The following PCDH9 variants were observed in gnomAD, a reference collection of about 807,000 sequenced individuals.
PCDH9 encodes protocadherin-9.
A neutral mutation model predicts 70.6 loss-of-function variants in PCDH9; 24 were observed. The observed-to-expected ratio is 0.34, with a 90% CI of 0.25 to 0.48. The LOEUF (loss-of-function observed/expected upper bound fraction) is 0.48, where lower values mean the gene tolerates loss of function less well. PCDH9 is among the 20% of genes least tolerant of loss of function. PCDH9 has a pLI of 0.99. For missense variants in PCDH9, 1,281 were observed against 1,503.6 expected (o/e 0.85, Z 2.45); for synonymous variants, 562 against 558.5 (o/e 1.01, Z -0.09).
At chr13:66,776,494 TAGAG>T (rs1003383728) in intron 3 of PCDH9, among the ~76,000 whole-genome samples, 1 of 149,566 alleles carries the variant, frequency 6.7e-6, no homozygotes, top group Non-Finnish European at 1.5e-5. Context: ...AACAGACAAA[TAGAG>T]AGCCAAATCA....
intron 4 of PCDH9, among the ~76,000 whole-genome samples, chr13:66,573,196 T>C (rs1249888161): frequency 6.6e-6 from 1 of 152,072 alleles, no homozygotes; most frequent in Admixed American, 6.5e-5. Context: ...TGCTGAACAT[T>C]TTTTTCATAT....
chr13:66,438,287 A>G lies in PCDH9; in HGVS notation c.3341-133259T>C, dbSNP rs144434191. 3.5e-3 allele frequency among the ~76,000 whole-genome samples: 533 copies of G among 152,196 alleles called. 2 individuals carry two copies. The highest frequency in any genetic ancestry group is 6.3e-3 in the Non-Finnish European group (430 of 67,998). On this transcript the variant is annotated intron_variant, in intron 4 of 4. Coordinates refer to ENST00000377865, the MANE Select transcript of PCDH9 (RefSeq NM_203487.3). ...TACACTTCAATTTAACTCTATTATA[A>G]TATTACAATGGATTAATAAAATTTT...
At chr13:66,459,827 T>A (rs1325790028) in intron 4 of PCDH9, among the ~76,000 whole-genome samples, 1 of 152,020 alleles carries the variant, frequency 6.6e-6, no homozygotes, top group African/African-American at 2.4e-5. Flanking sequence ...GGCTTGCTTT[T>A]GAATACTTCA....
chr13:66,563,602 C>A (rs1357224869), intron 4 of PCDH9, among the ~76,000 whole-genome samples: 1 of 152,144 alleles, frequency 6.6e-6, no homozygotes, highest in Admixed American at 6.5e-5. Context: ...CTGATCTCAC[C>A]ACTTACCATG....
rs74704196 is a variant in PCDH9, at chr13:67,096,815, T to C, written c.3036+128590A>G. 5.2e-4 allele frequency among the ~76,000 whole-genome samples: 79 copies of C among 152,322 alleles called. 1 individual carries two copies. The East Asian group carries it at 0.014, about 27-fold the overall frequency. On this transcript the variant is annotated intron_variant, in intron 2 of 4. Transcript: ENST00000377865. ...GTGAGGGCGAGATACATGGGAATTC[T>C]TTGTACTTTCAATTTTCCTTTAAAA...
chr13:67,041,696 T>C (rs1321697329), intron 2 of PCDH9, among the ~76,000 whole-genome samples: 3 of 151,724 alleles, frequency 2.0e-5, no homozygotes, highest in Admixed American at 1.3e-4. Context: ...ACAGGCATGG[T>C]TGTGGGCACC....
At chr13:67,073,941 C>T (rs2085819841) in intron 2 of PCDH9, among the ~76,000 whole-genome samples, 2 of 152,026 alleles carry the variant, frequency 1.3e-5, no homozygotes, top group South Asian at 4.1e-4. Context: ...CACTTGGGGC[C>T]TTAACCTGGA....
chr13:66,876,483 C>T (rs1357599954), intron 3 of PCDH9, among the ~76,000 whole-genome samples: 2 of 152,238 alleles, frequency 1.3e-5, no homozygotes, highest in African/African-American at 2.4e-5. Context: ...CTCTGCTCTT[C>T]AACATGCCAA....
Position 67,161,397 on chromosome 13 carries a change from G to T in PCDH9, c.3036+64008C>A, listed in dbSNP as rs74095373. Among the ~76,000 whole-genome samples, 971 of 152,296 alleles carry T rather than the reference G, an allele frequency of 6.4e-3. 12 individuals are homozygous for T. The highest frequency in any genetic ancestry group is 0.022 in the African/African-American group (921 of 41,552). On this transcript the variant is annotated intron_variant, in intron 2 of 4. Coordinates refer to ENST00000377865, the MANE Select transcript of PCDH9 (RefSeq NM_203487.3). The stretch of plus-strand genomic sequence containing the variant: ...CATTCAGGAGGCCTGCTTTGCTGCT[G>T]TTCAGCTACATCCATGCTTAAAGCT...
intron 3 of PCDH9, among the ~76,000 whole-genome samples, chr13:66,660,725 G>A (rs905817176): frequency 6.6e-6 from 1 of 151,834 alleles, no homozygotes; most frequent in Non-Finnish European, 1.5e-5. Flanking sequence ...AATTCATAAG[G>A]AATACAGAAA....
intron 3 of PCDH9, among the ~76,000 whole-genome samples, chr13:66,761,004 C>T (rs1253450264): frequency 2.6e-5 from 4 of 152,146 alleles, no homozygotes; most frequent in Admixed American, 2.0e-4. Flanking sequence ...TCAATGACAA[C>T]GTGTGCCCAG....
At position 66,408,731 on chromosome 13, in the gene PCDH9, T is replaced by A. The variant is rs185680620; in HGVS notation, c.3341-103703A>T. On this transcript the variant is annotated intron_variant, in intron 4 of 4. Transcript: ENST00000377865. ...TTTTTGTCCTTTTCTTCTTCTGCCT[T>A]TTTTTTTTCAAATAATAATTATGGA... Among the ~76,000 whole-genome samples the A allele has an allele frequency of 1.5e-4, 23 of 151,310 alleles. No individual in the cohort carries two copies. In the East Asian group the frequency reaches 3.7e-3, roughly 24 times the overall value.
intron 3 of PCDH9, among the ~76,000 whole-genome samples, chr13:66,723,436 T>C (rs1346884892): frequency 6.6e-6 from 1 of 152,166 alleles, no homozygotes; most frequent in Admixed American, 6.5e-5. Flanking sequence ...TTCAGGGAAG[T>C]GATATAGGAA....
In PCDH9 at chr13:66,456,403, A is replaced by C. The variant is rs558844933; in HGVS notation, c.3341-151375T>G. Among the ~76,000 whole-genome samples, 5 of 152,204 alleles carry C rather than the reference A, an allele frequency of 3.3e-5. No individual in the cohort carries two copies. In the East Asian group the frequency reaches 9.7e-4, roughly 29 times the overall value. ...CAATCTCCTGAGCGGCTAGGACTACAGAGGTATACCACCACACCTAGCTAA... is the reference window on the plus strand; with the variant it reads ...CAATCTCCTGAGCGGCTAGGACTACCGAGGTATACCACCACACCTAGCTAA... On this transcript the variant is annotated intron_variant, in intron 4 of 4. Coordinates refer to ENST00000377865, the MANE Select transcript of PCDH9 (RefSeq NM_203487.3).
chr13:66,445,641 T>C (rs919074541), intron 4 of PCDH9, among the ~76,000 whole-genome samples: 8 of 143,226 alleles, frequency 5.6e-5, no homozygotes, highest in African/African-American at 2.0e-4. Context: ...TATATACACA[T>C]ATATATTATA....
intron 3 of PCDH9, among the ~76,000 whole-genome samples, chr13:66,871,458 C>T (rs1343361210): frequency 4.0e-5 from 6 of 151,470 alleles, no homozygotes; most frequent in South Asian, 2.1e-4. Context: ...TGTTCACACA[C>T]GATACTCTTA....
intron 2 of PCDH9, chr13:67,213,593 C>G (rs534758218): frequency 6.6e-6 from 1 of 152,118 alleles, no homozygotes; most frequent in South Asian, 2.1e-4. Flanking sequence ...TGTCCCTGCC[C>G]TGTTTGGTAT....
intron 2 of PCDH9, among the ~76,000 whole-genome samples, chr13:67,019,209 T>TTC (rs1555297779): frequency 1.4e-5 from 2 of 144,964 alleles, no homozygotes; most frequent in Non-Finnish European, 3.0e-5. Context: ...TTTTTTTTTT[T>TTC]CTGAGATGGA....
intron 2 of PCDH9, among the ~76,000 whole-genome samples, chr13:67,050,441 T>C (rs1173572175): frequency 1.3e-5 from 2 of 152,194 alleles, no homozygotes; most frequent in Non-Finnish European, 2.9e-5. Context: ...TTTAATGTGA[T>C]CTCCACCAGG....
Sources: allele counts gnomAD v4.1 joint callset (sites outside exome capture counted in the v4.1 genomes callset), GRCh38; gene constraint gnomAD v4.1.1; transcripts MANE v1.5; gene names NCBI Gene and HGNC (gene_info 2026-07-23, HGNC 2026-07-21).